NR3C2: variants seen among roughly 807,000 people sequenced by gnomAD.
The protein encoded by NR3C2 is nuclear receptor subfamily 3 group C member 2.
NR3C2 carries 15 observed loss-of-function variants against 86.4 expected under a neutral mutation model. The ratio of observed to expected loss-of-function variants is 0.17; its 90% CI spans 0.12 to 0.27. The LOEUF (loss-of-function observed/expected upper bound fraction) is 0.27, where lower values mean the gene tolerates loss of function less well. NR3C2 is among the 10% of genes least tolerant of loss of function. The probability of loss-of-function intolerance (pLI) is 1.00; values close to 1 mark genes in which losing one functional copy is unlikely to be tolerated. For synonymous variants in NR3C2, 458 were observed against 450.5 expected (o/e 1.02, Z -0.21); for missense variants, 960 against 1,195.6 (o/e 0.80, Z 2.91).
chr4:148,195,103 C>A lies in NR3C2; in HGVS notation c.1898-241G>T, dbSNP rs982328772. ...CAAACATGTTCTAATATAAGTAGAG[C>A]CATATTTCTCCATTATTTGAATTTT... On this transcript the variant is annotated intron_variant, in intron 3 of 8. Coordinates refer to ENST00000358102, the MANE Select transcript of NR3C2 (RefSeq NM_000901.5). Among the ~76,000 whole-genome samples the A allele has an allele frequency of 2.6e-5, 4 of 152,068 alleles. 1 individual carries two copies. Among genetic ancestry groups the A allele is most frequent in the East Asian group, 3.8e-4 (2 of 5,198 alleles).
At chr4:148,271,680 T>A (rs572256029) in intron 2 of NR3C2, among the ~76,000 whole-genome samples, 1 of 152,278 alleles carries the variant, frequency 6.6e-6, no homozygotes, top group South Asian at 2.1e-4. Context: ...CCTGCCCGCA[T>A]CCTCCTCTCA....
At chr4:148,101,775 G>A (rs147980824) in intron 8 of NR3C2, among the ~76,000 whole-genome samples, 15 of 152,052 alleles carry the variant, frequency 9.9e-5, no homozygotes, top group African/African-American at 2.7e-4. Context: ...AACCACATTC[G>A]AACTGCTCAC....
At chr4:148,166,769 T>C (rs1004407203) in intron 4 of NR3C2, among the ~76,000 whole-genome samples, 3 of 151,378 alleles carry the variant, frequency 2.0e-5, no homozygotes, top group African/African-American at 7.3e-5. Flanking sequence ...TCATACGAGA[T>C]TGAACAATAG....
intron 2 of NR3C2, among the ~76,000 whole-genome samples, chr4:148,273,957 AAGGGC>A (rs1740824671): frequency 1.3e-5 from 2 of 152,142 alleles, no homozygotes; most frequent in Non-Finnish European, 2.9e-5. Context: ...TAACAATGTC[AAGGGC>A]AGATAAACTT....
Position 148,171,077 on chromosome 4 carries a change from G to A in NR3C2, c.2015-16176C>T, listed in dbSNP as rs914903063. The stretch of plus-strand genomic sequence containing the variant: ...CAACAGGCTTCCTTACTAGCCATCC[G>A]TTAAAAAGAATATTTGTTCCTGTGA... On this transcript the variant is annotated intron_variant, in intron 4 of 8. Coordinates refer to ENST00000358102, the MANE Select transcript of NR3C2 (RefSeq NM_000901.5). Among the ~76,000 whole-genome samples, 6 of 152,184 alleles carry A rather than the reference G, an allele frequency of 3.9e-5. No homozygotes were observed. In the South Asian group the frequency reaches 1.0e-3, roughly 26 times the overall value.
chr4:148,430,376 A>G (rs1749744101), intron 2 of NR3C2, among the ~76,000 whole-genome samples: 1 of 152,178 alleles, frequency 6.6e-6, no homozygotes, highest in Admixed American at 6.5e-5. Flanking sequence ...TGAAACTCAC[A>G]AAAGTACACT....
intron 3 of NR3C2, among the ~76,000 whole-genome samples, chr4:148,211,174 G>A (rs965091667): frequency 1.3e-5 from 2 of 152,082 alleles, no homozygotes; most frequent in Non-Finnish European, 2.9e-5. Flanking sequence ...CAGTCACAAT[G>A]GTCTTTGATG....
chr4:148,406,428 G>A (rs548861496), intron 2 of NR3C2, among the ~76,000 whole-genome samples: 25 of 152,236 alleles, frequency 1.6e-4, no homozygotes, highest in Admixed American at 1.5e-3. Context: ...CCGATAGGAC[G>A]CAGACGTGAG....
intron 6 of NR3C2, among the ~76,000 whole-genome samples, chr4:148,131,579 T>C (rs1228371576): frequency 1.3e-5 from 2 of 152,244 alleles, no homozygotes; most frequent in Admixed American, 6.5e-5. Flanking sequence ...ATTTTGCTAG[T>C]TGCAGTTCTG....
In NR3C2 at chr4:148,227,845, T is replaced by C. The variant is rs1349608135; in HGVS notation, c.1897+32133A>G. Among the ~76,000 whole-genome samples the C allele has an allele frequency of 2.0e-5, 3 of 152,182 alleles. No homozygotes were observed. The East Asian group carries it at 5.8e-4, about 29-fold the overall frequency. On this transcript the variant is annotated intron_variant, in intron 3 of 8. Transcript: ENST00000358102. ...AATACCTCCATCCTTTTTTGAGACC[T>C]CCTTACTTTCTGGAGCCCCAGTATA...
chr4:148,104,279 C>T (rs1449943247), intron 8 of NR3C2, among the ~76,000 whole-genome samples: 3 of 150,852 alleles, frequency 2.0e-5, no homozygotes, highest in African/African-American at 7.3e-5. Flanking sequence ...GAAATCTTTA[C>T]ACCTATGAAG....
At chr4:148,184,309 A>G (rs62331989) in intron 4 of NR3C2, among the ~76,000 whole-genome samples, 1 of 138,802 alleles carries the variant, frequency 7.2e-6, no homozygotes, top group Non-Finnish European at 1.6e-5. Context: ...AAAAAAAAAA[A>G]TTAGCTTGGT....
chr4:148,114,297 A>T (rs1336854797), intron 7 of NR3C2, 36 bp from the exon 8 acceptor site: 1 of 1,611,476 alleles, frequency 6.2e-7, no homozygotes, highest in Non-Finnish European at 8.5e-7. Context: ...AATTTCCAGG[A>T]TGGAAAACAA....
intron 4 of NR3C2, among the ~76,000 whole-genome samples, chr4:148,175,157 A>T (rs1306125234): frequency 6.6e-6 from 1 of 152,176 alleles, no homozygotes; most frequent in East Asian, 1.9e-4. Context: ...AATAACACTA[A>T]ATCAAAAAAC....
intron 3 of NR3C2, among the ~76,000 whole-genome samples, chr4:148,200,725 C>CTTAA (rs1736678350): frequency 6.6e-6 from 1 of 152,168 alleles, no homozygotes; most frequent in Non-Finnish European, 1.5e-5. Context: ...ACACAAAGCA[C>CTTAA]TTAAAATAGT....
At chr4:148,444,602 C>G, upstream of NR3C2, 1 of 988,794 alleles carries the variant, frequency 1.0e-6, no homozygotes, top group Non-Finnish European at 1.2e-6. Flanking sequence ...GCTGCCGCCG[C>G]CACCAGCAAG....
chr4:148,120,776 T>C (rs1461519579), intron 6 of NR3C2, among the ~76,000 whole-genome samples: 3 of 152,226 alleles, frequency 2.0e-5, no homozygotes, highest in Non-Finnish European at 4.4e-5. Context: ...TCATGGAGCA[T>C]GTTATTAACT....
In NR3C2 at chr4:148,222,542, T is replaced by C. The variant is rs146471994; in HGVS notation, c.1898-27680A>G. Among the ~76,000 whole-genome samples the C allele has an allele frequency of 3.8e-3, 580 of 152,306 alleles. 4 individuals are homozygous for C. Among genetic ancestry groups the C allele is most frequent in the African/African-American group, 0.013 (540 of 41,570 alleles). On this transcript the variant is annotated intron_variant, in intron 3 of 8. Transcript: ENST00000358102. ...TCCTGAAATTTTCAAAAGATGATAA[T>C]TGAAAGAGAAGCAATACACCTAGTA...
chr4:148,104,269 G>A lies in NR3C2; in HGVS notation c.2799+9835C>T, dbSNP rs878877108. Reference sequence around the variant, plus strand: ...CCCATGTCAGTTATTCATTTAATTTGAAATCTTTACACCTATGAAGATGTC... The same window carrying A: ...CCCATGTCAGTTATTCATTTAATTTAAAATCTTTACACCTATGAAGATGTC... On this transcript the variant is annotated intron_variant, in intron 8 of 8. Coordinates refer to ENST00000358102, the MANE Select transcript of NR3C2 (RefSeq NM_000901.5). Among the ~76,000 whole-genome samples the A allele has an allele frequency of 2.7e-5, 4 of 150,580 alleles. No homozygotes were observed. The South Asian group carries it at 8.4e-4, about 32-fold the overall frequency.
Sources: allele counts gnomAD v4.1 joint callset (sites outside exome capture counted in the v4.1 genomes callset), GRCh38; gene constraint gnomAD v4.1.1; transcripts MANE v1.5; gene names NCBI Gene and HGNC (gene_info 2026-07-23, HGNC 2026-07-21).